Variants in PIGN observed in about 807,000 individuals in gnomAD.
PIGN encodes phosphatidylinositol glycan anchor biosynthesis class N.
A neutral mutation model predicts 125.4 loss-of-function variants in PIGN; 117 were observed. The ratio of observed to expected loss-of-function variants is 0.93; its 90% CI spans 0.80 to 1.09. The LOEUF is 1.09. PIGN is among the 50% of genes least tolerant of loss of function. PIGN has a pLI of 0.00. For synonymous variants in PIGN, 392 were observed against 377.8 expected, an observed-to-expected ratio of 1.04 and a Z score of -0.44; for missense variants, 1,075 against 1,094.9, an observed-to-expected ratio of 0.98 and a Z score of 0.26.
At chr18:62,063,770 A>G (rs1201640056) in intron 30 of PIGN, among the ~76,000 whole-genome samples, 1 of 151,214 alleles carries the variant, frequency 6.6e-6, no homozygotes, top group African/African-American at 2.4e-5. Flanking sequence ...GAGTTCGTGT[A>G]CTTTGCAGGG....
rs1560502 is a variant in PIGN at position 62,084,482 on chromosome 18, T to C, written c.2502+49A>G. ...TAACTCTGTCTAAATGACTTTATAA[T>C]CTTAATCAATCAATAGCTTAAGACA... On this transcript the variant is annotated intron_variant, in intron 27 of 30. Coordinates refer to ENST00000640252, the MANE Select transcript of PIGN (RefSeq NM_176787.5). 401,555 of 1,180,680 alleles carry C rather than the reference T, an allele frequency of 0.34. 72,368 individuals are homozygous for C. Among genetic ancestry groups the C allele is most frequent in the East Asian group, 0.56 (21,998 of 39,042 alleles). 73.1% of individuals were successfully genotyped at this position (1,180,680 alleles called of 1,614,324 possible).
intron 1 of PIGN, among the ~76,000 whole-genome samples, chr18:62,182,593 C>T (rs138018377): frequency 4.8e-4 from 73 of 152,274 alleles, no homozygotes; most frequent in African/African-American, 1.6e-3. Flanking sequence ...ATCTCTTATG[C>T]GAACTACTGC....
chr18:62,018,495 G>T (rs1191317775), intron 23 of PIGN, among the ~76,000 whole-genome samples: 1 of 152,172 alleles, frequency 6.6e-6, no homozygotes, highest in Non-Finnish European at 1.5e-5. Flanking sequence ...CAGAAGCATC[G>T]AATGCAGTAC....
rs112859853 is a variant in PIGN at position 62,122,916 on chromosome 18, G to A, written c.1173-8277C>T. ...ATAAAGTCTCTGGGATATTTGCAGC[G>A]TTAATTAACTCTCATGCCCTTATAA... On this transcript the variant is annotated intron_variant, in intron 14 of 30. Transcript: ENST00000640252. Among the ~76,000 whole-genome samples, 309 of 152,148 alleles carry A rather than the reference G, an allele frequency of 2.0e-3. 1 individual carries two copies. The highest frequency in any genetic ancestry group is 6.7e-3 in the African/African-American group (277 of 41,522).
At chr18:62,093,350 T>C (rs1436699395) in intron 23 of PIGN, among the ~76,000 whole-genome samples, 1 of 152,074 alleles carries the variant, frequency 6.6e-6, no homozygotes, top group East Asian at 1.9e-4. Context: ...CTTAAAACAA[T>C]CAATAGTTCA....
chr18:62,064,852 C>T (rs2032409232), intron 30 of PIGN, among the ~76,000 whole-genome samples: 1 of 151,868 alleles, frequency 6.6e-6, no homozygotes, highest in South Asian at 2.1e-4. Flanking sequence ...CTGGTGATCC[C>T]AGAGGGAGAG....
rs1246832123 is a variant in PIGN at position 62,116,048 on chromosome 18, GA to G, written c.1173-1410del. ...TGGGTTCTCATGTTGCAGACTGCAG[GA>G]AAATTCCCCACCACTGGATTCACTG... is the stretch of plus-strand genomic sequence containing the variant. On this transcript the variant is annotated intron_variant, in intron 14 of 30. Transcript: ENST00000640252. 2.0e-5 allele frequency among the ~76,000 whole-genome samples: 3 copies of G among 152,292 alleles called. No individual in the cohort carries two copies. The East Asian group carries it at 5.8e-4, about 29-fold the overall frequency.
At chr18:62,075,385 T>G (rs1167887793) in intron 28 of PIGN, 1 of 152,262 alleles carries the variant, frequency 6.6e-6, no homozygotes, top group East Asian at 1.9e-4. Context: ...TTAAGAGTGT[T>G]TTATGAGTAG....
At chr18:62,062,882 C>CTTT (rs71160811) in intron 30 of PIGN, among the ~76,000 whole-genome samples, 1 of 21,068 alleles carries the variant, frequency 4.7e-5, no homozygotes, top group Admixed American at 6.6e-4. Context: ...TTGTATTCTG[C>CTTT]TTTTTTTTTT....
chr18:62,083,713 G>A (rs1653226), intron 27 of PIGN, among the ~76,000 whole-genome samples: 139,108 of 152,178 alleles, frequency 0.91, 63,702 homozygotes, highest in African/African-American at 0.97. Flanking sequence ...AAAAATGTGA[G>A]TGAAAATTAA....
chr18:62,111,233 A>C (rs935567428), intron 16 of PIGN, among the ~76,000 whole-genome samples: 5 of 152,070 alleles, frequency 3.3e-5, no homozygotes, highest in African/African-American at 9.7e-5. Flanking sequence ...CACCAAATTT[A>C]GGGTAGTGTT....
intron 29 of PIGN, 97 bp from the exon 30 acceptor site, chr18:62,072,822 T>G (rs1310964532): frequency 1.2e-6 from 1 of 832,330 alleles, no homozygotes. Context: ...GATTTCTGAC[T>G]CTAAGAATCA....
At chr18:62,027,559 A>G (rs1298587250) in intron 23 of PIGN, among the ~76,000 whole-genome samples, 2 of 152,206 alleles carry the variant, frequency 1.3e-5, no homozygotes, top group East Asian at 3.9e-4. Flanking sequence ...TAGGTAGATA[A>G]CAGACACGGT....
intron 14 of PIGN, among the ~76,000 whole-genome samples, chr18:62,124,976 A>G (rs1191793260): frequency 3.3e-5 from 5 of 152,062 alleles, no homozygotes; most frequent in Non-Finnish European, 7.4e-5. Flanking sequence ...AAAAAATAAA[A>G]ATCACTGCCA....
intron 30 of PIGN, among the ~76,000 whole-genome samples, chr18:62,064,692 T>G (rs1319652982): frequency 6.6e-6 from 1 of 152,238 alleles, no homozygotes; most frequent in Non-Finnish European, 1.5e-5. Flanking sequence ...CAATAAATGA[T>G]ATTCTACTCT....
At chr18:62,080,138 T>A (rs896630699) in intron 28 of PIGN, among the ~76,000 whole-genome samples, 2 of 152,156 alleles carry the variant, frequency 1.3e-5, no homozygotes, top group African/African-American at 4.8e-5. Context: ...TATTTCCAAG[T>A]TTTTGTGTTT....
chr18:62,046,740 G>T (rs1312741115), intron 30 of PIGN, among the ~76,000 whole-genome samples: 1 of 152,030 alleles, frequency 6.6e-6, no homozygotes, highest in East Asian at 1.9e-4. Context: ...ATAATAGAAA[G>T]AATAGAAAGT....
chr18:62,119,061 A>C (rs919114703), intron 14 of PIGN, among the ~76,000 whole-genome samples: 2 of 152,022 alleles, frequency 1.3e-5, no homozygotes, highest in African/African-American at 4.8e-5. Flanking sequence ...CAAGGTCTGT[A>C]TAGGGATCCC....
chr18:62,108,062 T>G (rs2034722284), intron 17 of PIGN, among the ~76,000 whole-genome samples: 1 of 152,202 alleles, frequency 6.6e-6, no homozygotes, highest in South Asian at 2.1e-4. Flanking sequence ...GTTTATGACC[T>G]TTCTCTGACT....
Sources: gnomAD v4.1 joint callset for allele counts (sites outside exome capture counted in the v4.1 genomes callset) on GRCh38, gnomAD v4.1.1 for gene constraint, MANE v1.5 for transcripts, NCBI Gene and HGNC (gene_info 2026-07-23, HGNC 2026-07-21) for gene names.